Variants in ERICH6B observed in about 807,000 individuals in gnomAD.
ERICH6B encodes glutamate-rich protein 6B.
Under a neutral mutation model 80.0 loss-of-function variants are expected in ERICH6B, and 69 were observed. That is an observed-to-expected ratio of 0.86 (90% CI 0.71 to 1.05). The LOEUF (loss-of-function observed/expected upper bound fraction) is 1.05, where lower values mean the gene tolerates loss of function less well. Among genes scored for constraint, ERICH6B ranks in the 50% least tolerant of loss-of-function variants. The pLI, the probability that ERICH6B is intolerant of heterozygous loss-of-function variation, is 0.00. For missense variants in ERICH6B, 754 were observed against 796.1 expected (o/e 0.95, Z 0.64); for synonymous variants, 283 against 291.9 (o/e 0.97, Z 0.31).
intron 4 of ERICH6B, among the ~76,000 whole-genome samples, chr13:45,589,523 C>T (rs1350576851): frequency 1.3e-5 from 2 of 152,168 alleles, no homozygotes; most frequent in African/African-American, 2.4e-5. Context: ...TACATTTCAT[C>T]CTCACCAAAA....
chr13:45,564,812 C>G (rs998087270), intron 9 of ERICH6B, among the ~76,000 whole-genome samples: 1 of 152,166 alleles, frequency 6.6e-6, no homozygotes, highest in Non-Finnish European at 1.5e-5. Flanking sequence ...AGCAGGATAC[C>G]AAACACAGAT....
At chr13:45,590,993 C>T (rs1876134565) in intron 3 of ERICH6B, among the ~76,000 whole-genome samples, 1 of 152,174 alleles carries the variant, frequency 6.6e-6, no homozygotes, top group African/African-American at 2.4e-5. Context: ...GGATGAAGGA[C>T]ATCGGTCCAG....
intron 2 of ERICH6B, among the ~76,000 whole-genome samples, chr13:45,605,080 C>T (rs1253908403): frequency 6.6e-6 from 1 of 152,072 alleles, no homozygotes. Context: ...AGGCCACTCC[C>T]ACTTTTCTCC....
At chr13:45,561,878 G>A (rs1039754161) in intron 10 of ERICH6B, among the ~76,000 whole-genome samples, 2 of 152,222 alleles carry the variant, frequency 1.3e-5, no homozygotes, top group South Asian at 2.1e-4. Context: ...CAACTACAAC[G>A]TAATGAGAGG....
chr13:45,590,280 C>CA (rs1376189486), intron 4 of ERICH6B, among the ~76,000 whole-genome samples: 1 of 151,854 alleles, frequency 6.6e-6, no homozygotes, highest in Admixed American at 6.6e-5. Flanking sequence ...ATGCCTGAGC[C>CA]TATTCTCTTC....
intron 2 of ERICH6B, among the ~76,000 whole-genome samples, chr13:45,606,540 TA>T (rs869049395): frequency 2.0e-3 from 33 of 16,476 alleles, no homozygotes; most frequent in South Asian, 5.1e-3. Flanking sequence ...TATATATATA[TA>T]TATATATTTT....
rs576137629 is a variant in ERICH6B, at chr13:45,574,815, G to T, written c.1050+27C>A. ...CCTACATTTGGAGGAAGCTGGGGGG[G>T]GGGTCTCAAGTTTTTATCCAACTTA... On this transcript the variant is annotated intron_variant, in intron 8 of 14. Transcript: ENST00000298738. The T allele has an allele frequency of 2.9e-4, 444 of 1,510,038 alleles. 2 individuals carry two copies. The Middle Eastern group carries it at 3.2e-3, about 11-fold the overall frequency. The allele number at this position is 1,510,038 out of a possible 1,614,324, so 93.5% of individuals were successfully genotyped here.
chr13:45,551,406 TTCTTCTTCTTCAAGA>T lies in ERICH6B; in HGVS notation c.1408-1105_1408-1091del, dbSNP rs1874216043. ...ATACTAAACTCTTCTGTTTTTGTCT[TTCTTCTTCTTCAAGA>T]TCTTCCTCCTACTCCTCCTTCACAT... On this transcript the variant is annotated intron_variant, in intron 11 of 14. Coordinates refer to ENST00000298738, the MANE Select transcript of ERICH6B (RefSeq NM_182542.3). 2.6e-5 allele frequency: 4 copies of T among 152,300 alleles called. No homozygotes were observed. The South Asian group carries it at 8.3e-4, about 32-fold the overall frequency. The allele number at this position is 152,300 out of a possible 1,614,324, so 9.4% of individuals were successfully genotyped here. A position where few individuals can be genotyped will look rare whatever the true frequency, so the allele number is the denominator to read the frequency against.
Position 45,564,144 on chromosome 13 carries a change from T to G in ERICH6B, c.1188-356A>C, listed in dbSNP as rs1052513469. On this transcript the variant is annotated intron_variant, in intron 9 of 14. Transcript: ENST00000298738. ...ATTAACTCACACAGATGGATTTGAT[T>G]TTCTGCAGCTTGTCTATATCCCAGT... Among the ~76,000 whole-genome samples the G allele has an allele frequency of 4.6e-5, 7 of 152,210 alleles. No individual in the cohort carries two copies. In the South Asian group the frequency reaches 1.4e-3, roughly 31 times the overall value.
intron 10 of ERICH6B, among the ~76,000 whole-genome samples, chr13:45,561,813 T>C (rs1874694255): frequency 6.6e-6 from 1 of 152,062 alleles, no homozygotes; most frequent in Admixed American, 6.6e-5. Flanking sequence ...GATATGACAG[T>C]GATGGTCAAC....
At chr13:45,570,292 T>G (rs898010195) in intron 8 of ERICH6B, among the ~76,000 whole-genome samples, 12 of 152,080 alleles carry the variant, frequency 7.9e-5, no homozygotes, top group African/African-American at 2.9e-4. Context: ...GATGCATAAG[T>G]GTATCACTGA....
intron 11 of ERICH6B, chr13:45,555,361 A>G (rs1433331332): frequency 6.6e-6 from 1 of 152,202 alleles, no homozygotes; most frequent in African/African-American, 2.4e-5. Flanking sequence ...TCCCTTCTCA[A>G]TGCAGGCCCA....
intron 2 of ERICH6B, among the ~76,000 whole-genome samples, chr13:45,597,351 G>C (rs1335575428): frequency 2.0e-5 from 3 of 152,208 alleles, no homozygotes; most frequent in Non-Finnish European, 4.4e-5. Flanking sequence ...TGGTGCTACT[G>C]CTAGAGAAGA....
At chr13:45,559,542 A>G (rs1369552316) in intron 11 of ERICH6B, among the ~76,000 whole-genome samples, 1 of 152,046 alleles carries the variant, frequency 6.6e-6, no homozygotes, top group Non-Finnish European at 1.5e-5. Flanking sequence ...AGGGCCACTA[A>G]CTTTCCTCTT....
At position 45,563,754 on chromosome 13, in the gene ERICH6B, T is replaced by C. The variant is rs201110555; in HGVS notation, c.1222A>G (p.Ile408Val). Residue 408 changes from isoleucine to valine, a missense_variant, in exon 10 of 15, where the codon ATC becomes GTC. Physicochemically the swap from Ile to Val is conservative, Grantham distance 29. Coordinates refer to ENST00000298738, the MANE Select transcript of ERICH6B (RefSeq NM_182542.3). The part of the protein sequence containing the change: ...KKNYEKFKET[I>V]LRIKRRREAQ... Reference sequence around the variant, plus strand: ...TCACGTCTCCTCTTAATCCGTAAGATTGTTTCCTTGAACTTTTCATAATTT... The same window carrying C: ...TCACGTCTCCTCTTAATCCGTAAGACTGTTTCCTTGAACTTTTCATAATTT... 775 of 1,552,326 alleles carry C rather than the reference T, an allele frequency of 5.0e-4. No individual in the cohort carries two copies. Among genetic ancestry groups the C allele is most frequent in the Non-Finnish European group, 6.5e-4 (742 of 1,147,126 alleles).
intron 3 of ERICH6B, among the ~76,000 whole-genome samples, chr13:45,594,350 C>T (rs1876276358): frequency 6.6e-6 from 1 of 152,126 alleles, no homozygotes; most frequent in Non-Finnish European, 1.5e-5. Flanking sequence ...TACACAGTTC[C>T]ATTCGCTTGA....
intron 1 of ERICH6B, among the ~76,000 whole-genome samples, chr13:45,608,912 T>C (rs1949884203): frequency 6.6e-6 from 1 of 152,164 alleles, no homozygotes; most frequent in Admixed American, 6.5e-5. Flanking sequence ...ATTCCCTGAG[T>C]GCTCAGATGA....
chr13:45,588,112 A>G (rs1189582713), intron 4 of ERICH6B, among the ~76,000 whole-genome samples: 1 of 152,206 alleles, frequency 6.6e-6, no homozygotes, highest in Non-Finnish European at 1.5e-5. Flanking sequence ...GCCTGTCCCC[A>G]TCTGCACCAG....
rs147341183 is a variant in ERICH6B, at chr13:45,566,095, C to T, written c.1187+2220G>A. On this transcript the variant is annotated intron_variant, in intron 9 of 14. Transcript: ENST00000298738. The stretch of plus-strand genomic sequence containing the variant: ...CAAAGAGACTGGCAGCATTTTTGCC[C>T]CTGCCCTAGAGATTTGTGAAACTTT... 7.3e-3 allele frequency among the ~76,000 whole-genome samples: 1,117 copies of T among 152,206 alleles called. 12 individuals are homozygous for T. The highest frequency in any genetic ancestry group is 0.025 in the African/African-American group (1,040 of 41,514).
Sources: allele counts gnomAD v4.1 joint callset (sites outside exome capture counted in the v4.1 genomes callset), GRCh38; gene constraint gnomAD v4.1.1; transcripts MANE v1.5; gene names NCBI Gene and HGNC (gene_info 2026-07-23, HGNC 2026-07-21).